The following DRC11 variants were observed in gnomAD, a reference collection of about 807,000 sequenced individuals.
DRC11 encodes dynein regulatory complex subunit 11.
At chr2:236,384,864 C>T in the DRC11 span, among the ~76,000 whole-genome samples, 3 of 151,980 alleles carry the variant, frequency 2.0e-5, no homozygotes, top group Non-Finnish European at 4.4e-5. Flanking sequence ...GATCCAGTTT[C>T]AGCTTTCTAC....
At chr2:236,390,609 T>C in the DRC11 span, among the ~76,000 whole-genome samples, 8 of 152,232 alleles carry the variant, frequency 5.3e-5, no homozygotes, top group African/African-American at 1.9e-4. This position sits in a 1 kb window ranked among gnomAD's most constrained non-coding sequence, Gnocchi z 5.9. Flanking sequence ...TTTCTGGTTC[T>C]GGGATCCAAA....
At chr2:236,491,936 G>A in the DRC11 span, among the ~76,000 whole-genome samples, 1 of 152,152 alleles carries the variant, frequency 6.6e-6, no homozygotes, top group African/African-American at 2.4e-5. Flanking sequence ...ACTTTTAAGA[G>A]GTGATAAGGT....
At chr2:236,421,743 CA>C in the DRC11 span, among the ~76,000 whole-genome samples, 96 of 152,300 alleles carry the variant, frequency 6.3e-4, no homozygotes, top group African/African-American at 2.3e-3. Context: ...CAAAGCCTGG[CA>C]GAGACACAAC....
chr2:236,339,618 T>TATGAATGC, the DRC11 span, among the ~76,000 whole-genome samples: 41 of 152,232 alleles, frequency 2.7e-4, no homozygotes, highest in African/African-American at 8.9e-4. Context: ...ACTCTTTCTT[T>TATGAATGC]TGCAGGCAGC....
the DRC11 span, among the ~76,000 whole-genome samples, chr2:236,315,727 A>G: frequency 6.6e-6 from 1 of 152,202 alleles, no homozygotes; most frequent in Non-Finnish European, 1.5e-5. This position sits in a 1 kb window ranked among gnomAD's most constrained non-coding sequence, Gnocchi z 5.1. Flanking sequence ...GCTGGAAGCC[A>G]TTATCCTCAG....
chr2:236,407,058 T>C, the DRC11 span, among the ~76,000 whole-genome samples: 2 of 152,220 alleles, frequency 1.3e-5, no homozygotes, highest in Non-Finnish European at 2.9e-5. Context: ...TCTCCACTAT[T>C]TTTGAGCTTG....
the DRC11 span, among the ~76,000 whole-genome samples, chr2:236,419,760 C>A: frequency 6.6e-6 from 1 of 152,326 alleles, no homozygotes; most frequent in South Asian, 2.1e-4. This position sits in a 1 kb window ranked among gnomAD's most constrained non-coding sequence, Gnocchi z 4.8. Context: ...ATATCCCCTA[C>A]AGTGACAAAA....
At chr2:236,379,128 G>C in the DRC11 span, among the ~76,000 whole-genome samples, 2 of 152,196 alleles carry the variant, frequency 1.3e-5, no homozygotes, top group African/African-American at 4.8e-5. Flanking sequence ...CCCCCGCAGA[G>C]AGCTCTAGGC....
chr2:236,400,748 G>A, the DRC11 span, among the ~76,000 whole-genome samples: 1 of 152,170 alleles, frequency 6.6e-6, no homozygotes, highest in East Asian at 1.9e-4. This position sits in a 1 kb window ranked among gnomAD's most constrained non-coding sequence, Gnocchi z 7.9. Context: ...CCGTTTCTGG[G>A]CTCCAGGGTT....
chr2:236,417,299 A>G, the DRC11 span, among the ~76,000 whole-genome samples: 2 of 152,138 alleles, frequency 1.3e-5, no homozygotes, highest in Admixed American at 6.5e-5. Context: ...TTGACTGCAC[A>G]GGCTATCCCT....
the DRC11 span, among the ~76,000 whole-genome samples, chr2:236,411,965 G>A: frequency 6.6e-6 from 1 of 151,214 alleles, no homozygotes; most frequent in African/African-American, 2.4e-5. Context: ...GTTAGTGGGT[G>A]CAGCGCACCA....
At chr2:236,411,970 G>A in the DRC11 span, among the ~76,000 whole-genome samples, 311 of 150,906 alleles carry the variant, frequency 2.1e-3, 2 homozygotes, top group African/African-American at 7.0e-3. Flanking sequence ...TGGGTGCAGC[G>A]CACCAGCATG....
chr2:236,466,455 C>A, the DRC11 span, among the ~76,000 whole-genome samples: 1 of 152,150 alleles, frequency 6.6e-6, no homozygotes, highest in African/African-American at 2.4e-5. Flanking sequence ...TAAAAGAATA[C>A]TGGAGGGTGG....
the DRC11 span, among the ~76,000 whole-genome samples, chr2:236,412,049 TAAAAAAAAAA>T: frequency 6.9e-6 from 1 of 145,528 alleles, no homozygotes; most frequent in Admixed American, 6.9e-5. Context: ...AGTATAATAA[TAAAAAAAAAA>T]GAAAAAAAAA....
chr2:236,332,320 T>C, the DRC11 span: 1 of 152,218 alleles, frequency 6.6e-6, no homozygotes, highest in Non-Finnish European at 1.5e-5. This position sits in a 1 kb window ranked among gnomAD's most constrained non-coding sequence, Gnocchi z 5.1. Flanking sequence ...ATGCTTAACT[T>C]TAGAGATGGA....
chr2:236,456,800 G>C, the DRC11 span, among the ~76,000 whole-genome samples: 12 of 152,178 alleles, frequency 7.9e-5, no homozygotes, highest in Non-Finnish European at 1.8e-4. The surrounding 1 kb of genome is among the most constrained non-coding windows in gnomAD (Gnocchi z 5.4). Context: ...TAAGTAACAA[G>C]CGTAGGTGGC....
chr2:236,395,652 G>A, the DRC11 span, among the ~76,000 whole-genome samples: 1 of 152,156 alleles, frequency 6.6e-6, no homozygotes, highest in Admixed American at 6.5e-5. Flanking sequence ...TAAAACATAG[G>A]AAAAGGAATC....
chr2:236,459,673 GTATATATGTATATACATA>G, the DRC11 span, among the ~76,000 whole-genome samples: 1 of 141,060 alleles, frequency 7.1e-6, no homozygotes, highest in Non-Finnish European at 1.6e-5. Context: ...ACGTATATAC[GTATATATGTATATACATA>G]TATACATATA....
chr2:236,451,576 A>G, the DRC11 span, among the ~76,000 whole-genome samples: 1 of 152,210 alleles, frequency 6.6e-6, no homozygotes, highest in African/African-American at 2.4e-5. Flanking sequence ...AATTTTAAAA[A>G]TAAGACGAGT....
Sources: gnomAD v4.1 joint callset for allele counts (sites outside exome capture counted in the v4.1 genomes callset) on GRCh38, gnomAD v4.1.1 for gene constraint, Gnocchi (gnomAD v3.1) non-coding constraint, MANE v1.5 for transcripts, NCBI Gene and HGNC (gene_info 2026-07-23, HGNC 2026-07-21) for gene names.